The following LOXHD1 variants were observed in gnomAD, a reference collection of about 807,000 sequenced individuals.
LOXHD1 encodes lipoxygenase homology PLAT domains 1, also known as lipoxygenase homology domain-containing protein 1.
A neutral mutation model predicts 248.2 loss-of-function variants in LOXHD1; 205 were observed. The observed-to-expected ratio is 0.83, with a 90% CI of 0.74 to 0.93. LOXHD1 has a LOEUF of 0.93. LOXHD1 is among the 40% of genes least tolerant of loss of function. The probability of loss-of-function intolerance (pLI) is 0.00; values close to 1 mark genes in which losing one functional copy is unlikely to be tolerated. For synonymous variants in LOXHD1, 1,113 were observed against 1,162.8 expected (o/e 0.96, Z 0.87); for missense variants, 2,930 against 2,971.6 (o/e 0.99, Z 0.33).
chr18:46,648,515 G>A (rs899297946), intron 2 of LOXHD1, among the ~76,000 whole-genome samples: 8 of 152,302 alleles, frequency 5.3e-5, no homozygotes, highest in South Asian at 2.1e-4. Flanking sequence ...GGCCCAAAAC[G>A]TCTCTGAAAT....
rs200094006 is a variant in LOXHD1 at position 46,572,103 on chromosome 18, C to T, written c.2030G>A (p.Ser677Asn). Reference sequence around the variant, plus strand: ...CAACTCACTCTTCAGTGTCGCGCTGCTGTCACTGGGTAGCAACTCTCGGAC... The same window carrying T: ...CAACTCACTCTTCAGTGTCGCGCTGTTGTCACTGGGTAGCAACTCTCGGAC... ...QLVRELLPSD[S>N]SATLKNFRYH... Residue 677 changes from serine (S) to asparagine (N), a missense_variant, in exon 15 of 41, where the codon AGC becomes AAC. Transcript: ENST00000642948. 11 of 1,551,818 alleles carry T rather than the reference C, an allele frequency of 7.1e-6. No individual in the cohort carries two copies. Among genetic ancestry groups the T allele is most frequent in the Non-Finnish European group, 9.6e-6 (11 of 1,147,010 alleles).
chr18:46,507,527 C>A lies in LOXHD1; in HGVS notation c.5692+11G>T, dbSNP rs2143915671. 1.3e-6 allele frequency: 2 copies of A among 1,551,604 alleles called. No individual in the cohort carries two copies. The highest frequency in any genetic ancestry group is 1.7e-6 in the Non-Finnish European group (2 of 1,146,940). On this transcript the variant is annotated intron_variant, in intron 36 of 40. Transcript: ENST00000642948. ...TAAGGGAGCGGGAGGTGTGAGGGAC[C>A]CCCGACCCACCCAGGATGTCGCTGG...
intron 28 of LOXHD1, among the ~76,000 whole-genome samples, chr18:46,530,290 G>A (rs1016417265): frequency 2.0e-5 from 3 of 152,266 alleles, no homozygotes; most frequent in Admixed American, 1.3e-4. Flanking sequence ...GGGAGTATTC[G>A]TGGGCCACAG....
chr18:46,488,886 C>A, intron 38 of LOXHD1, 86 bp downstream of exon 38: 2 of 1,432,322 alleles, frequency 1.4e-6, no homozygotes, highest in Admixed American at 4.2e-5. Flanking sequence ...TATCTGGCAC[C>A]TGACCCCCCT....
intron 8 of LOXHD1, among the ~76,000 whole-genome samples, chr18:46,596,353 A>G (rs1312773990): frequency 6.6e-6 from 1 of 152,184 alleles, no homozygotes; most frequent in Non-Finnish European, 1.5e-5. Flanking sequence ...AGAACCAGCA[A>G]AATTCAGAGT....
intron 17 of LOXHD1, among the ~76,000 whole-genome samples, chr18:46,564,093 A>AGT (rs57471507): frequency 0.026 from 3,921 of 148,986 alleles, 94 homozygotes; most frequent in Admixed American, 0.084. Context: ...GGAGAGAGAG[A>AGT]GTGTGTGTGT....
In LOXHD1 at chr18:46,559,443, C is replaced by T. The variant is rs1357525526; in HGVS notation, c.3216+5G>A. 1 of 1,552,066 alleles carries T rather than the reference C, an allele frequency of 6.4e-7. No homozygotes were observed. On this transcript the variant is annotated splice_donor_5th_base_variant and intron_variant, in intron 20 of 40. Transcript: ENST00000642948. Reference sequence around the variant, plus strand: ...CCACCCAGGGGCCAGAGACCCTCACCCTACCTGCCCCTGCTCAAATTTGTT... The same window carrying T: ...CCACCCAGGGGCCAGAGACCCTCACTCTACCTGCCCCTGCTCAAATTTGTT...
intron 2 of LOXHD1, among the ~76,000 whole-genome samples, chr18:46,642,764 G>C (rs2038979239): frequency 6.6e-6 from 1 of 152,224 alleles, no homozygotes; most frequent in Non-Finnish European, 1.5e-5. Flanking sequence ...AATCCTCTGG[G>C]AGCAGAAGTT....
At chr18:46,654,693 G>C (rs1361008247) in intron 1 of LOXHD1, among the ~76,000 whole-genome samples, 1 of 152,206 alleles carries the variant, frequency 6.6e-6, no homozygotes, top group Non-Finnish European at 1.5e-5. Context: ...CCAGAGCCCA[G>C]AGTTCAAAGG....
At chr18:46,507,762 ACCAGCAC>A in intron 35 of LOXHD1, 50 bp from the exon 36 acceptor site, 1 of 1,515,640 alleles carries the variant, frequency 6.6e-7, no homozygotes, top group Non-Finnish European at 8.9e-7. Context: ...CCTCACCTCC[ACCAGCAC>A]CCCCTGGCTC....
chr18:46,618,848 G>A (rs1299797107), intron 4 of LOXHD1, among the ~76,000 whole-genome samples: 1 of 152,198 alleles, frequency 6.6e-6, no homozygotes, highest in Non-Finnish European at 1.5e-5. Context: ...CCAATGCAAA[G>A]ACAAGAGGCA....
intron 4 of LOXHD1, among the ~76,000 whole-genome samples, chr18:46,623,742 G>A (rs1342336273): frequency 1.3e-5 from 2 of 152,208 alleles, no homozygotes; most frequent in African/African-American, 4.8e-5. Flanking sequence ...CCTGCGCCTG[G>A]TGCACCAGCC....
chr18:46,552,181 AAGGT>A (rs1336912428), intron 21 of LOXHD1, among the ~76,000 whole-genome samples: 1 of 152,242 alleles, frequency 6.6e-6, no homozygotes, highest in Admixed American at 6.5e-5. Context: ...AAAAATGGTT[AAGGT>A]AATAAATTGT....
intron 17 of LOXHD1, among the ~76,000 whole-genome samples, chr18:46,564,221 G>A (rs1482393057): frequency 6.6e-6 from 1 of 152,068 alleles, no homozygotes; most frequent in Non-Finnish European, 1.5e-5. Flanking sequence ...GTCTAAGACT[G>A]TAAAATTAAA....
chr18:46,642,066 T>A (rs774667336), intron 2 of LOXHD1, 30 bp from the exon 3 acceptor site: 1 of 1,545,898 alleles, frequency 6.5e-7, no homozygotes, highest in Non-Finnish European at 8.8e-7. Flanking sequence ...TTAGTGCAGA[T>A]CAGCTGTTGG....
chr18:46,641,241 G>A (rs531717405), intron 3 of LOXHD1, among the ~76,000 whole-genome samples: 18 of 152,286 alleles, frequency 1.2e-4, no homozygotes, highest in African/African-American at 3.9e-4. Context: ...ACTAAACTGA[G>A]GCTGCATTTG....
chr18:46,520,377 T>C, intron 33 of LOXHD1: 1 of 462,626 alleles, frequency 2.2e-6, no homozygotes, highest in Non-Finnish European at 4.5e-6. Flanking sequence ...TGGGGCCTTC[T>C]GTTGACCCCA....
intron 40 of LOXHD1, among the ~76,000 whole-genome samples, chr18:46,481,790 G>C (rs1006925965): frequency 6.6e-6 from 1 of 152,200 alleles, no homozygotes. Context: ...CTACAACTGA[G>C]GCCCAGGACT....
At chr18:46,569,062 C>A (rs923473843) in intron 16 of LOXHD1, among the ~76,000 whole-genome samples, 3 of 149,696 alleles carry the variant, frequency 2.0e-5, no homozygotes, top group African/African-American at 7.4e-5. Context: ...AGCCCCTTTT[C>A]TTAGTCCTCC....
Sources: gnomAD v4.1 joint callset for allele counts (sites outside exome capture counted in the v4.1 genomes callset) on GRCh38, gnomAD v4.1.1 for gene constraint, MANE v1.5 for transcripts, NCBI Gene and HGNC (gene_info 2026-07-23, HGNC 2026-07-21) for gene names.